The following KCNH1 variants were observed in gnomAD, a reference collection of about 807,000 sequenced individuals.
KCNH1 encodes the protein potassium voltage-gated channel subfamily H member 1.
KCNH1 carries 27 observed loss-of-function variants against 69.2 expected under a neutral mutation model. The ratio of observed to expected loss-of-function variants is 0.39; its 90% CI spans 0.29 to 0.54. The LOEUF (loss-of-function observed/expected upper bound fraction) is 0.54, where lower values mean the gene tolerates loss of function less well. Among genes scored for constraint, KCNH1 ranks in the 20% least tolerant of loss-of-function variants. The probability of loss-of-function intolerance (pLI) is 0.68; values close to 1 mark genes in which losing one functional copy is unlikely to be tolerated. For missense variants in KCNH1, 798 were observed against 1,261.6 expected, an observed-to-expected ratio of 0.63 and a Z score of 5.57; for synonymous variants, 456 against 487.7, an observed-to-expected ratio of 0.93 and a Z score of 0.86.
At chr1:211,114,919 T>C (rs1422409944) in intron 1 of KCNH1, among the ~76,000 whole-genome samples, 1 of 152,184 alleles carries the variant, frequency 6.6e-6, no homozygotes, top group Non-Finnish European at 1.5e-5. Context: ...GAAGAATTAA[T>C]AATTCTTTTT....
chr1:210,978,529 C>T (rs1688655718), intron 6 of KCNH1, among the ~76,000 whole-genome samples: 1 of 152,034 alleles, frequency 6.6e-6, no homozygotes, highest in South Asian at 2.1e-4. Context: ...TTTGTTGAAA[C>T]CTGAACATTA....
At chr1:211,099,561 G>A (rs772595449) in intron 3 of KCNH1, among the ~76,000 whole-genome samples, 17 of 151,792 alleles carry the variant, frequency 1.1e-4, no homozygotes, top group South Asian at 2.1e-4. Flanking sequence ...CCTCCCCTCC[G>A]CCCCATTTCC....
At chr1:210,791,541 G>C (rs746933794) in intron 9 of KCNH1, among the ~76,000 whole-genome samples, 16 of 152,258 alleles carry the variant, frequency 1.1e-4, no homozygotes, top group Admixed American at 5.2e-4. Context: ...CTGGAGGCCC[G>C]TGCTATACTT....
chr1:210,851,996 T>C (rs1685717733), intron 7 of KCNH1, among the ~76,000 whole-genome samples: 1 of 152,132 alleles, frequency 6.6e-6, no homozygotes, highest in Admixed American at 6.5e-5. Flanking sequence ...CCCACACAGT[T>C]TAAAGACTAA....
intron 10 of KCNH1, among the ~76,000 whole-genome samples, chr1:210,727,140 G>A (rs1299692780): frequency 1.3e-5 from 2 of 152,300 alleles, no homozygotes; most frequent in East Asian, 1.9e-4. Flanking sequence ...TCCTCATACT[G>A]TAGGAGAAAC....
At chr1:210,736,367 G>T (rs780034059) in intron 10 of KCNH1, among the ~76,000 whole-genome samples, 1 of 152,168 alleles carries the variant, frequency 6.6e-6, no homozygotes, top group Non-Finnish European at 1.5e-5. Flanking sequence ...TGACCAACAA[G>T]GAGAAACCCC....
chr1:210,854,006 C>G (rs1368465227), intron 7 of KCNH1, among the ~76,000 whole-genome samples: 1 of 132,034 alleles, frequency 7.6e-6, no homozygotes, highest in Non-Finnish European at 1.6e-5. Context: ...ATGTGTTTAT[C>G]TCGATGAGTT....
intron 6 of KCNH1, among the ~76,000 whole-genome samples, chr1:211,002,277 T>C (rs1002579158): frequency 6.7e-5 from 10 of 149,028 alleles, no homozygotes; most frequent in Non-Finnish European, 1.5e-4. Flanking sequence ...CACATATATA[T>C]ACGTATGTAT....
rs566286385 is a variant in KCNH1, at chr1:210,701,184, G to A, written c.2113-17046C>T. The stretch of plus-strand genomic sequence containing the variant: ...GATCTCCTGACCTTGTGATCTGCCC[G>A]CCTCAGCCTCCCAAAGTGCTGGGAT... On this transcript the variant is annotated intron_variant, in intron 10 of 10. Coordinates refer to ENST00000271751, the MANE Select transcript of KCNH1 (RefSeq NM_172362.3). 5.3e-5 allele frequency among the ~76,000 whole-genome samples: 8 copies of A among 152,200 alleles called. No individual in the cohort carries two copies. The East Asian group carries it at 9.7e-4, about 18-fold the overall frequency.
rs1019935323 is a variant in KCNH1 at position 211,042,385 on chromosome 1, C to T, written c.559-23129G>A. Among the ~76,000 whole-genome samples the T allele has an allele frequency of 3.3e-5, 5 of 152,190 alleles. No homozygotes were observed. The South Asian group carries it at 6.2e-4, about 19-fold the overall frequency. ...GTGCTTGTCTCTCTACTTACCATCACAAAATTGGTCCTTAACACAAGGCCT... is the reference window on the plus strand; with the variant it reads ...GTGCTTGTCTCTCTACTTACCATCATAAAATTGGTCCTTAACACAAGGCCT... On this transcript the variant is annotated intron_variant, in intron 5 of 10. Transcript: ENST00000271751.
intron 6 of KCNH1, among the ~76,000 whole-genome samples, chr1:210,962,467 T>A (rs1201395066): frequency 6.6e-6 from 1 of 152,182 alleles, no homozygotes; most frequent in Admixed American, 6.5e-5. Context: ...GTTATTTAGT[T>A]TTTATTGTTC....
chr1:210,849,134 T>A (rs953753362), intron 7 of KCNH1, among the ~76,000 whole-genome samples: 1 of 152,226 alleles, frequency 6.6e-6, no homozygotes, highest in African/African-American at 2.4e-5. Context: ...GTATGTGTAT[T>A]ATGTGTGCAT....
intron 10 of KCNH1, among the ~76,000 whole-genome samples, chr1:210,712,176 T>A (rs986445117): frequency 8.5e-5 from 13 of 152,154 alleles, no homozygotes; most frequent in African/African-American, 3.1e-4. Context: ...TAATCGTACA[T>A]CTCCAGAATC....
intron 6 of KCNH1, among the ~76,000 whole-genome samples, chr1:210,994,830 C>A (rs1437376190): frequency 6.6e-6 from 1 of 152,110 alleles, no homozygotes; most frequent in African/African-American, 2.4e-5. Context: ...AATCCCACCC[C>A]AAGATGACTG....
chr1:211,124,714 C>T (rs541078265), intron 1 of KCNH1, among the ~76,000 whole-genome samples: 3 of 152,266 alleles, frequency 2.0e-5, no homozygotes, highest in African/African-American at 7.2e-5. Flanking sequence ...ATGACATACT[C>T]AATGGGTAAT....
chr1:210,718,263 T>C (rs1439872978), intron 10 of KCNH1, among the ~76,000 whole-genome samples: 1 of 79,464 alleles, frequency 1.3e-5, no homozygotes, highest in Non-Finnish European at 2.6e-5. Flanking sequence ...ATAAATATTA[T>C]AAATATATGT....
At chr1:210,994,906 T>C (rs527269304) in intron 6 of KCNH1, among the ~76,000 whole-genome samples, 109 of 152,330 alleles carry the variant, frequency 7.2e-4, no homozygotes, top group Middle Eastern at 3.4e-3. Context: ...AAAAATGGAA[T>C]GATGATATGC....
At chr1:210,870,897 T>G (rs182837513) in intron 7 of KCNH1, among the ~76,000 whole-genome samples, 2 of 152,312 alleles carry the variant, frequency 1.3e-5, no homozygotes, top group East Asian at 3.9e-4. Context: ...AGATGAACAA[T>G]GCTGCCTTTA....
chr1:211,126,453 T>C (rs1165140199), intron 1 of KCNH1, among the ~76,000 whole-genome samples: 3 of 147,766 alleles, frequency 2.0e-5, no homozygotes, highest in Non-Finnish European at 4.5e-5. Context: ...AAGCTTGCAG[T>C]GAGCCGAGAT....
Sources: allele counts gnomAD v4.1 joint callset (sites outside exome capture counted in the v4.1 genomes callset), GRCh38; gene constraint gnomAD v4.1.1; transcripts MANE v1.5; gene names NCBI Gene and HGNC (gene_info 2026-07-23, HGNC 2026-07-21).